The following SCAI variants were observed in gnomAD, a reference collection of about 807,000 sequenced individuals.
SCAI encodes the protein protein SCAI.
In SCAI, 24 loss-of-function variants were observed where a neutral mutation model predicts 92.2. The observed-to-expected ratio is 0.26, with a 90% CI of 0.19 to 0.37. The LOEUF is 0.37. Ranked by LOEUF, SCAI falls within the 10% of genes least tolerant of loss-of-function variation. SCAI has a pLI of 1.00. For synonymous variants in SCAI, 261 were observed against 258.6 expected, an observed-to-expected ratio of 1.01 and a Z score of -0.09; for missense variants, 450 against 736.2, an observed-to-expected ratio of 0.61 and a Z score of 4.50.
intron 6 of SCAI, among the ~76,000 whole-genome samples, chr9:125,023,773 A>G (rs1402286461): frequency 1.3e-5 from 2 of 152,176 alleles, no homozygotes; most frequent in Admixed American, 6.5e-5. Flanking sequence ...CTTATATTCA[A>G]TAAGCATACA....
intron 7 of SCAI, among the ~76,000 whole-genome samples, chr9:125,020,098 AC>A (rs1564381406): frequency 1.3e-4 from 19 of 150,874 alleles, no homozygotes; most frequent in African/African-American, 4.6e-4. Flanking sequence ...AAAAAAAAAA[AC>A]CCCACAAAAC....
intron 2 of SCAI, among the ~76,000 whole-genome samples, chr9:125,120,770 A>C (rs531485496): frequency 6.6e-6 from 1 of 152,244 alleles, no homozygotes; most frequent in African/African-American, 2.4e-5. Flanking sequence ...GCTACTCAGG[A>C]GGCTAAGGCA....
intron 2 of SCAI, among the ~76,000 whole-genome samples, chr9:125,102,111 A>T (rs1185282067): frequency 1.3e-5 from 2 of 152,296 alleles, no homozygotes; most frequent in South Asian, 4.1e-4. Flanking sequence ...CACACTAGAC[A>T]CCAGTAACAC....
chr9:125,116,220 A>T (rs991472609), intron 2 of SCAI, among the ~76,000 whole-genome samples: 44 of 152,246 alleles, frequency 2.9e-4, no homozygotes, highest in African/African-American at 1.0e-3. Context: ...TATACATGTT[A>T]TATATGCTTT....
At chr9:125,026,317 T>G (rs923294983) in intron 6 of SCAI, among the ~76,000 whole-genome samples, 1 of 150,596 alleles carries the variant, frequency 6.6e-6, no homozygotes, top group Non-Finnish European at 1.5e-5. Context: ...GAGGTGGAGG[T>G]TGCAGTGAGT....
chr9:124,990,373 C>T (rs1832094674), intron 14 of SCAI, among the ~76,000 whole-genome samples: 1 of 151,942 alleles, frequency 6.6e-6, no homozygotes, highest in Admixed American at 6.6e-5. Context: ...CTTATAATCC[C>T]AGCTACTAGA....
Position 124,968,360 on chromosome 9 carries a change from C to G in SCAI, c.1674+3010G>C, listed in dbSNP as rs75000833. The G allele has an allele frequency of 3.5e-5, 42 of 1,198,346 alleles. No homozygotes were observed. The East Asian group carries it at 6.6e-4, about 19-fold the overall frequency. 74.2% of individuals were successfully genotyped at this position (1,198,346 alleles called of 1,614,324 possible). A position where few individuals can be genotyped will look rare whatever the true frequency, so the allele number is the denominator to read the frequency against. ...GTTTGGTTTTTAAGGCTTTAGTGAG[C>G]TCTGCAGCGAGCACATCATGGAGGG... is the stretch of plus-strand genomic sequence containing the variant. On this transcript the variant is annotated intron_variant, in intron 17 of 17. Transcript: ENST00000336505.
intron 2 of SCAI, among the ~76,000 whole-genome samples, chr9:125,090,339 T>C (rs1184232137): frequency 1.3e-5 from 2 of 149,922 alleles, no homozygotes; most frequent in African/African-American, 5.0e-5. Flanking sequence ...CGAGGGAGGA[T>C]GTGGAGGAGA....
At chr9:124,977,334 C>G (rs1046963822) in intron 14 of SCAI, among the ~76,000 whole-genome samples, 2 of 152,064 alleles carry the variant, frequency 1.3e-5, no homozygotes, top group African/African-American at 2.4e-5. Context: ...CAAGAGAACT[C>G]TGAAAAAGAG....
intron 2 of SCAI, among the ~76,000 whole-genome samples, chr9:125,060,643 G>A (rs1321015870): frequency 6.6e-6 from 1 of 152,264 alleles, no homozygotes; most frequent in East Asian, 1.9e-4. Flanking sequence ...TAGTGAGTAA[G>A]TCTCACAAGA....
intron 2 of SCAI, among the ~76,000 whole-genome samples, chr9:125,062,035 T>C (rs1003262269): frequency 2.0e-5 from 3 of 151,890 alleles, no homozygotes; most frequent in Admixed American, 6.6e-5. Context: ...ATAAATGGAG[T>C]TAAAGTTTGC....
At chr9:125,106,270 TA>T (rs200461656) in intron 2 of SCAI, among the ~76,000 whole-genome samples, 121 of 140,446 alleles carry the variant, frequency 8.6e-4, no homozygotes, top group Middle Eastern at 3.6e-3. Flanking sequence ...AAAAGCATGA[TA>T]AAAAAAAAAC....
rs1406946369 is a variant in SCAI, at chr9:125,018,788, C to T, written c.861+11G>A. On this transcript the variant is annotated intron_variant, in intron 9 of 17. Coordinates refer to ENST00000336505, the MANE Select transcript of SCAI (RefSeq NM_001144877.3). Reference sequence around the variant, plus strand: ...GTGAATTTTAAGCATAATTCCTTCACAATTCTTTACCTGATTATTACAATT... The same window carrying T: ...GTGAATTTTAAGCATAATTCCTTCATAATTCTTTACCTGATTATTACAATT... 6.3e-7 allele frequency: 1 copy of T among 1,596,658 alleles called. No individual in the cohort carries two copies. Among genetic ancestry groups the T allele is most frequent in the South Asian group, 1.1e-5 (1 of 88,172 alleles).
At chr9:125,055,055 G>C (rs1186953710) in intron 3 of SCAI, among the ~76,000 whole-genome samples, 2 of 151,972 alleles carry the variant, frequency 1.3e-5, no homozygotes, top group African/African-American at 4.8e-5. Flanking sequence ...TAAATTATCT[G>C]GTTTAAAAAT....
At chr9:125,002,675 G>A (rs1297076272) in intron 11 of SCAI, among the ~76,000 whole-genome samples, 2 of 151,278 alleles carry the variant, frequency 1.3e-5, no homozygotes, top group Admixed American at 1.3e-4. Flanking sequence ...GTAGAGATGG[G>A]GTTTCTCCAT....
chr9:125,053,266 G>A (rs568513305), intron 3 of SCAI, among the ~76,000 whole-genome samples: 50 of 152,186 alleles, frequency 3.3e-4, no homozygotes, highest in Middle Eastern at 6.8e-3. Context: ...CCCAGGAGGC[G>A]GAGGTTGCAG....
At position 124,994,946 on chromosome 9, in the gene SCAI, A is replaced by G. The variant is rs1455456637; in HGVS notation, c.1314T>C (p.Ser438=). The change falls in exon 14 of 18, where the codon AGT becomes AGC. Residue 438 remains serine (S), a synonymous_variant. Coordinates refer to ENST00000336505, the MANE Select transcript of SCAI (RefSeq NM_001144877.3). ...TCATGGAACTCACCTTATACGCAACACTATTAGACGAATCCACAATGATGA... is the reference window on the plus strand; with the variant it reads ...TCATGGAACTCACCTTATACGCAACGCTATTAGACGAATCCACAATGATGA... ...PLFIIVDSSN[S]VAYKNFTNLF... 5 of 1,612,034 alleles carry G rather than the reference A, an allele frequency of 3.1e-6. No homozygotes were observed. Among genetic ancestry groups the G allele is most frequent in the Non-Finnish European group, 4.2e-6 (5 of 1,178,964 alleles).
chr9:125,032,547 C>T (rs1833100043), intron 3 of SCAI, among the ~76,000 whole-genome samples: 1 of 151,286 alleles, frequency 6.6e-6, no homozygotes, highest in South Asian at 2.1e-4. Context: ...TGTCACCCAC[C>T]TCGCTGTTGG....
rs937402322 is a variant in SCAI at position 125,091,178 on chromosome 9, T to C, written c.99-35171A>G. On this transcript the variant is annotated intron_variant, in intron 2 of 17. Transcript: ENST00000336505. The surrounding 1 kb of genome is among the most constrained non-coding windows in gnomAD (Gnocchi z 4.3). ...CAGATGCAATACCAGGGTTCAAAAA[T>C]GGTGGCAACAGCATCCGGAACCAGA... Among the ~76,000 whole-genome samples the C allele has an allele frequency of 6.6e-6, 1 of 152,118 alleles. No homozygotes were observed. Among genetic ancestry groups the C allele is most frequent in the African/African-American group, 2.4e-5 (1 of 41,430 alleles).
Sources: gnomAD v4.1 joint callset for allele counts (sites outside exome capture counted in the v4.1 genomes callset) on GRCh38, gnomAD v4.1.1 for gene constraint, Gnocchi (gnomAD v3.1) non-coding constraint, MANE v1.5 for transcripts, NCBI Gene and HGNC (gene_info 2026-07-23, HGNC 2026-07-21) for gene names.